GABRA4: variants seen among roughly 807,000 people sequenced by gnomAD.
GABRA4 encodes gamma-aminobutyric acid type A receptor subunit alpha4.
GABRA4 carries 12 observed loss-of-function variants against 49.7 expected under a neutral mutation model. The observed-to-expected ratio is 0.24, with a 90% CI of 0.15 to 0.39. GABRA4 has a LOEUF of 0.39. Among genes scored for constraint, GABRA4 ranks in the 10% least tolerant of loss-of-function variants. The probability of loss-of-function intolerance (pLI) is 1.00; values close to 1 mark genes in which losing one functional copy is unlikely to be tolerated. For missense variants in GABRA4, 506 were observed against 686.0 expected (o/e 0.74, Z 2.93); for synonymous variants, 288 against 240.2 (o/e 1.20, Z -1.84).
rs894487512 is a variant in GABRA4 at position 46,931,397 on chromosome 4, T to C, written c.1135-2642A>G. ...GGATCAAACTGACTCTAAGTAACTT[T>C]ACTGCCCCCCAAAACAAAGTATTAA... is the stretch of plus-strand genomic sequence containing the variant. On this transcript the variant is annotated intron_variant, in intron 8 of 8. Transcript: ENST00000264318. 7.2e-5 allele frequency among the ~76,000 whole-genome samples: 11 copies of C among 152,108 alleles called. 1 individual carries two copies. Among genetic ancestry groups the C allele is most frequent in the Admixed American group, 6.6e-4 (10 of 15,236 alleles).
At chr4:46,967,935 C>T (rs1722822612) in intron 7 of GABRA4, among the ~76,000 whole-genome samples, 1 of 151,576 alleles carries the variant, frequency 6.6e-6, no homozygotes, top group Admixed American at 6.6e-5. Flanking sequence ...TAATGTTTTA[C>T]TATACTGGAA....
intron 5 of GABRA4, among the ~76,000 whole-genome samples, chr4:46,975,671 C>A (rs1007990262): frequency 1.3e-5 from 2 of 152,042 alleles, no homozygotes; most frequent in Admixed American, 1.3e-4. Flanking sequence ...TGATTGAACA[C>A]GAACTATGTT....
At chr4:46,987,048 C>G (rs6816951) in intron 2 of GABRA4, among the ~76,000 whole-genome samples, 2,278 of 152,194 alleles carry the variant, frequency 0.015, 50 homozygotes, top group African/African-American at 0.052. Flanking sequence ...ACAAGGAGAG[C>G]CTTTTAAAAT....
intron 8 of GABRA4, among the ~76,000 whole-genome samples, chr4:46,958,392 A>G (rs953926919): frequency 2.6e-5 from 4 of 151,960 alleles, no homozygotes; most frequent in East Asian, 1.9e-4. Context: ...TTGTGGCTGG[A>G]TAAGAACTAA....
Position 46,920,879 on chromosome 4 carries a change from C to G in GABRA4, c.*7346G>C, listed in dbSNP as rs773807733. 5.9e-5 allele frequency: 9 copies of G among 151,766 alleles called. No homozygotes were observed. The highest frequency in any genetic ancestry group is 2.6e-4 in the Admixed American group (4 of 15,238). The allele number at this position is 151,766 out of a possible 1,614,324, so 9.4% of individuals were successfully genotyped here. Reference sequence around the variant, plus strand: ...AATATATTTAATTTATCCTTTACTACTTGTGTAACATAATCAACTCTGTCA... The same window carrying G: ...AATATATTTAATTTATCCTTTACTAGTTGTGTAACATAATCAACTCTGTCA... On this transcript the variant is annotated 3_prime_UTR_variant, in exon 9 of 9. Transcript: ENST00000264318.
chr4:46,987,330 C>T (rs959593875), intron 2 of GABRA4, among the ~76,000 whole-genome samples: 2 of 152,150 alleles, frequency 1.3e-5, no homozygotes, highest in African/African-American at 4.8e-5. Flanking sequence ...AGTATTCAAA[C>T]AGCACCTTCT....
At chr4:46,933,018 T>C (rs938971405) in intron 8 of GABRA4, among the ~76,000 whole-genome samples, 38 of 152,070 alleles carry the variant, frequency 2.5e-4, no homozygotes, top group Non-Finnish European at 4.4e-4. Context: ...GAGGAGAGTC[T>C]AAGCAAAAAT....
At chr4:46,954,582 A>G (rs903074382) in intron 8 of GABRA4, among the ~76,000 whole-genome samples, 9 of 151,886 alleles carry the variant, frequency 5.9e-5, no homozygotes, top group Admixed American at 5.3e-4. Context: ...AAGAGTGCAG[A>G]GCAAACTTGC....
chr4:46,992,134 C>T (rs1454606102), intron 2 of GABRA4, among the ~76,000 whole-genome samples: 1 of 152,102 alleles, frequency 6.6e-6, no homozygotes, highest in Non-Finnish European at 1.5e-5. Context: ...ATTATATATG[C>T]AAAGGAAATA....
intron 8 of GABRA4, among the ~76,000 whole-genome samples, chr4:46,964,537 G>A (rs1464735436): frequency 6.6e-6 from 1 of 151,638 alleles, no homozygotes; most frequent in African/African-American, 2.4e-5. Context: ...ATAAATATAT[G>A]CATCTATTAT....
intron 2 of GABRA4, among the ~76,000 whole-genome samples, chr4:46,987,298 A>T (rs1723576279): frequency 6.6e-6 from 1 of 152,150 alleles, no homozygotes; most frequent in South Asian, 2.1e-4. Context: ...AATGTGGTTT[A>T]TGCTTTTACT....
chr4:46,934,681 A>T (rs1487425395), intron 8 of GABRA4, among the ~76,000 whole-genome samples: 1 of 152,180 alleles, frequency 6.6e-6, no homozygotes, highest in East Asian at 1.9e-4. Flanking sequence ...TTTTCCCTTT[A>T]TATATTTAGA....
intron 6 of GABRA4, among the ~76,000 whole-genome samples, chr4:46,973,217 T>C (rs1023235092): frequency 1.3e-5 from 2 of 151,798 alleles, no homozygotes; most frequent in South Asian, 4.1e-4. Context: ...TAAATGTTTG[T>C]GGTCCTCAAA....
chr4:46,983,562 T>C (rs1176109840), intron 2 of GABRA4, among the ~76,000 whole-genome samples: 1 of 152,108 alleles, frequency 6.6e-6, no homozygotes, highest in Non-Finnish European at 1.5e-5. Context: ...TATTCCCCAT[T>C]TTAAGAAACT....
At chr4:46,979,681 T>C (rs1173765550) in intron 2 of GABRA4, among the ~76,000 whole-genome samples, 1 of 152,116 alleles carries the variant, frequency 6.6e-6, no homozygotes, top group Non-Finnish European at 1.5e-5. Flanking sequence ...TGTACAATCT[T>C]GTGCAAGTTA....
At chr4:46,963,990 C>G (rs1174029011) in intron 8 of GABRA4, among the ~76,000 whole-genome samples, 1 of 151,752 alleles carries the variant, frequency 6.6e-6, no homozygotes, top group Non-Finnish European at 1.5e-5. Context: ...TCTACAATAG[C>G]TAAGATTTGG....
intron 8 of GABRA4, among the ~76,000 whole-genome samples, chr4:46,962,003 G>T (rs774596805): frequency 6.6e-6 from 1 of 151,898 alleles, no homozygotes. Context: ...TGTGTCAAAT[G>T]TAAAATACAA....
chr4:46,959,552 T>C (rs1722490015), intron 8 of GABRA4, among the ~76,000 whole-genome samples: 1 of 151,806 alleles, frequency 6.6e-6, no homozygotes, highest in African/African-American at 2.4e-5. Flanking sequence ...AGAATGAACT[T>C]AGCCAATGGA....
chr4:46,957,486 G>T (rs528811331), intron 8 of GABRA4, among the ~76,000 whole-genome samples: 1 of 151,976 alleles, frequency 6.6e-6, no homozygotes, highest in South Asian at 2.1e-4. Flanking sequence ...TAGCAATTAG[G>T]TAGATCAAAA....
Sources: gnomAD v4.1 joint callset for allele counts (sites outside exome capture counted in the v4.1 genomes callset) on GRCh38, gnomAD v4.1.1 for gene constraint, MANE v1.5 for transcripts, NCBI Gene and HGNC (gene_info 2026-07-23, HGNC 2026-07-21) for gene names.